The following ANO1 variants were observed in gnomAD, a reference collection of about 807,000 sequenced individuals.
The protein encoded by ANO1 is anoctamin-1.
In ANO1, 59 loss-of-function variants were observed where a neutral mutation model predicts 124.0. That is an observed-to-expected ratio of 0.48 (90% confidence interval 0.39 to 0.59). ANO1 has a LOEUF of 0.59. Among genes scored for constraint, ANO1 ranks in the 20% least tolerant of loss-of-function variants. The pLI is 0.00. For synonymous variants in ANO1, 529 were observed against 532.0 expected (o/e 0.99, Z 0.08); for missense variants, 1,059 against 1,328.0 (o/e 0.80, Z 3.15).
intron 1 of ANO1, among the ~76,000 whole-genome samples, chr11:69,996,515 G>A: frequency 6.6e-6 from 1 of 152,162 alleles, no homozygotes; most frequent in Admixed American, 6.5e-5. Context: ...TTAATAAACA[G>A]TCATTGGAAC....
chr11:69,995,939 C>G (rs1245089942), intron 1 of ANO1, among the ~76,000 whole-genome samples: 1 of 152,150 alleles, frequency 6.6e-6, no homozygotes, highest in Non-Finnish European at 1.5e-5. Flanking sequence ...GAGCGAAACC[C>G]TGTATCTACT....
At chr11:70,031,534 C>T (rs1857000810) in intron 1 of ANO1, among the ~76,000 whole-genome samples, 1 of 152,198 alleles carries the variant, frequency 6.6e-6, no homozygotes, top group Non-Finnish European at 1.5e-5. Flanking sequence ...TGGTTCCACT[C>T]TTTACTTCTG....
At chr11:70,038,181 T>C (rs1025083947) in intron 1 of ANO1, among the ~76,000 whole-genome samples, 2 of 152,228 alleles carry the variant, frequency 1.3e-5, no homozygotes, top group Non-Finnish European at 2.9e-5. Flanking sequence ...TGACTTGACC[T>C]GGCATTCTTG....
At chr11:70,083,314 C>G (rs532412667) in intron 1 of ANO1, among the ~76,000 whole-genome samples, 17 of 152,224 alleles carry the variant, frequency 1.1e-4, no homozygotes, top group African/African-American at 3.1e-4. Context: ...TGAGGTAGGT[C>G]TTAGGGATAT....
At chr11:70,185,324 G>T (rs1030125730) in intron 24 of ANO1, among the ~76,000 whole-genome samples, 11 of 152,190 alleles carry the variant, frequency 7.2e-5, no homozygotes, top group Non-Finnish European at 1.0e-4. Context: ...GGCTGGGCCT[G>T]GGGATACTTC....
intron 23 of ANO1, among the ~76,000 whole-genome samples, chr11:70,180,331 G>A (rs575561403): frequency 1.3e-5 from 2 of 151,936 alleles, no homozygotes; most frequent in African/African-American, 4.8e-5. Context: ...GCAGTACAGT[G>A]GCACGATCTC....
At chr11:70,050,184 G>C (rs762789720) in intron 1 of ANO1, among the ~76,000 whole-genome samples, 7 of 152,122 alleles carry the variant, frequency 4.6e-5, no homozygotes, top group African/African-American at 1.7e-4. Context: ...TATCCTATTC[G>C]GGGTGCAAGA....
At chr11:70,078,836 G>A in intron 1 of ANO1, 122 bp downstream of exon 1, 5 of 461,838 alleles carry the variant, frequency 1.1e-5, no homozygotes, top group Non-Finnish European at 1.5e-5. Context: ...CCTCCGCGCA[G>A]GGTTCGCGGC....
chr11:70,170,138 G>T (rs1239695851), intron 21 of ANO1: 1 of 367,208 alleles, frequency 2.7e-6, no homozygotes, highest in Non-Finnish European at 5.4e-6. Context: ...GCAAGGGGAA[G>T]TTTGGGCTCT....
intron 1 of ANO1, among the ~76,000 whole-genome samples, chr11:69,992,255 T>TG (rs371104594): frequency 6.8e-6 from 1 of 147,500 alleles, no homozygotes; most frequent in Non-Finnish European, 1.5e-5. Flanking sequence ...GATGGATGGA[T>TG]GATGGATAAA....
At position 70,082,525 on chromosome 11, in the gene ANO1, G is replaced by A. The variant is rs138895454; in HGVS notation, c.108+3811G>A. Among the ~76,000 whole-genome samples, 71 of 152,308 alleles carry A rather than the reference G, an allele frequency of 4.7e-4. 1 individual carries two copies. The East Asian group carries it at 7.1e-3, about 15-fold the overall frequency. On this transcript the variant is annotated intron_variant, in intron 1 of 25. Transcript: ENST00000355303. ...CAGTGAGCCAAGATCGCACCACTGC[G>A]CTCCAGCCTAGGCGACAGAGCAAGA... is the stretch of plus-strand genomic sequence containing the variant.
chr11:70,062,067 C>CTTTTTTTT (rs1175846749), intron 1 of ANO1, among the ~76,000 whole-genome samples: 65 of 62,272 alleles, frequency 1.0e-3, no homozygotes, highest in Middle Eastern at 0.027. Context: ...TTCCTTCTTT[C>CTTTTTTTT]TTTTTTTTTT....
intron 1 of ANO1, among the ~76,000 whole-genome samples, chr11:70,063,446 A>G (rs1555008074): frequency 6.6e-6 from 1 of 152,140 alleles, no homozygotes; most frequent in Non-Finnish European, 1.5e-5. Context: ...TCTTAAAGAT[A>G]AGATTAAATT....
chr11:70,115,434 G>A (rs2045937884), intron 7 of ANO1, among the ~76,000 whole-genome samples: 1 of 152,102 alleles, frequency 6.6e-6, no homozygotes, highest in Non-Finnish European at 1.5e-5. Flanking sequence ...CCAACGTGGT[G>A]AAACCCTGTC....
At chr11:70,098,604 G>A (rs1263789398) in intron 2 of ANO1, among the ~76,000 whole-genome samples, 1 of 152,168 alleles carries the variant, frequency 6.6e-6, no homozygotes, top group Non-Finnish European at 1.5e-5. Context: ...GGTAGGTGAG[G>A]AAAGAAGCTC....
chr11:70,097,482 G>A (rs781752772), intron 2 of ANO1, among the ~76,000 whole-genome samples: 8 of 152,258 alleles, frequency 5.3e-5, no homozygotes, highest in Non-Finnish European at 1.0e-4. Flanking sequence ...TCTCCAGGCA[G>A]ACCCCTGCCC....
chr11:70,085,958 G>C (rs67993242), intron 1 of ANO1, among the ~76,000 whole-genome samples: 62,082 of 152,236 alleles, frequency 0.41, 14,257 homozygotes, highest in Admixed American at 0.5. Context: ...GCGACCACGT[G>C]GGGGGACCCT....
intron 1 of ANO1, among the ~76,000 whole-genome samples, chr11:70,010,117 G>A (rs1375823639): frequency 1.4e-5 from 2 of 147,300 alleles, no homozygotes; most frequent in Non-Finnish European, 3.0e-5. Context: ...TCTTTTTATG[G>A]CGGAGTAGTA....
At chr11:70,182,059 G>A (rs2048949707) in intron 23 of ANO1, among the ~76,000 whole-genome samples, 1 of 152,152 alleles carries the variant, frequency 6.6e-6, no homozygotes, top group Non-Finnish European at 1.5e-5. Context: ...TGAGCCGGGT[G>A]AGGACTTGAG....
Sources: gnomAD v4.1 joint callset for allele counts (sites outside exome capture counted in the v4.1 genomes callset) on GRCh38, gnomAD v4.1.1 for gene constraint, MANE v1.5 for transcripts, NCBI Gene and HGNC (gene_info 2026-07-23, HGNC 2026-07-21) for gene names.